The following PLEKHJ1 variants were observed in gnomAD, a reference collection of about 807,000 sequenced individuals.
The protein encoded by PLEKHJ1 is pleckstrin homology domain containing J1, also known as pleckstrin homology domain-containing family J member 1.
In PLEKHJ1, 20 loss-of-function variants were observed where a neutral mutation model predicts 21.7. The ratio of observed to expected loss-of-function variants is 0.92; its 90% CI spans 0.65 to 1.34. PLEKHJ1 has a LOEUF of 1.34. PLEKHJ1 is among the 40% of genes most tolerant of loss of function. The pLI, the probability that PLEKHJ1 is intolerant of heterozygous loss-of-function variation, is 0.00. For synonymous variants in PLEKHJ1, 113 were observed against 80.6 expected, an observed-to-expected ratio of 1.40 and a Z score of -2.15; for missense variants, 241 against 202.0, an observed-to-expected ratio of 1.19 and a Z score of -1.17.
At position 2,235,981 on chromosome 19, in the gene PLEKHJ1, C is replaced by T. The variant is rs752207759; in HGVS notation, c.104G>A (p.Arg35Gln). ...ATTCACCACCAGCTTCACCAGCCGC[C>T]GCTTCAGCACTGCGGGCACAGCGCG... Reference protein sequence around the residue: ...RGPKKGSVLKRRLVKLVVNFL... With the variant: ...RGPKKGSVLKQRLVKLVVNFL... Residue 35 changes from arginine (R) to glutamine (Q), a missense_variant, in exon 2 of 6, where the codon CGG becomes CAG. Transcript: ENST00000326631. 5.6e-6 allele frequency: 9 copies of T among 1,610,018 alleles called. No homozygotes were observed. The highest frequency in any genetic ancestry group is 6.8e-6 in the Non-Finnish European group (8 of 1,178,870).
downstream of PLEKHJ1, chr19:2,232,414 T>C (rs922629054): frequency 2.0e-5 from 4 of 197,636 alleles, no homozygotes; most frequent in Non-Finnish European, 4.1e-5. Context: ...TGTGTCAGCC[T>C]TTGTAACGTG....
At chr19:2,235,895 C>T (rs757719635) in intron 2 of PLEKHJ1, 28 bp downstream of exon 2, 1 of 1,603,198 alleles carries the variant, frequency 6.2e-7, no homozygotes, top group South Asian at 1.1e-5. Flanking sequence ...CAGCCTGGGA[C>T]CCGCCCGCGC....
chr19:2,234,035 A>ATTTCT lies in PLEKHJ1; in HGVS notation c.346_347insAGAAA (p.Ile116LysfsTer12). The ATTTCT allele has an allele frequency of 4.3e-6, 7 of 1,613,508 alleles. No homozygotes were observed. Among genetic ancestry groups the ATTTCT allele is most frequent in the Non-Finnish European group, 5.9e-6 (7 of 1,179,994 alleles). On this transcript the variant is annotated frameshift_variant, in exon 5 of 6. Coordinates refer to ENST00000326631, the MANE Select transcript of PLEKHJ1 (RefSeq NM_018049.3). LOFTEE classifies it high-confidence loss of function. Reference sequence around the variant, plus strand: ...CTTCCGGATTTCGTTCCTGTAGAAGATGAGGCTTCTCCGCATGAACTCGTA... The same window carrying ATTTCT: ...CTTCCGGATTTCGTTCCTGTAGAAGATTTCTTGAGGCTTCTCCGCATGAACTCGTA...
At chr19:2,235,734 C>G in intron 3 of PLEKHJ1, 28 bp downstream of exon 3, 2 of 1,539,626 alleles carry the variant, frequency 1.3e-6, no homozygotes, top group East Asian at 4.9e-5. Context: ...CTGCGGGAAG[C>G]GCCGCTGGCT....
intron 3 of PLEKHJ1, 138 bp downstream of exon 3, chr19:2,235,624 A>C: frequency 2.8e-6 from 2 of 710,442 alleles, no homozygotes; most frequent in Non-Finnish European, 4.6e-6. Flanking sequence ...CCCGTGGACA[A>C]TGCACTCTTG....
At position 2,233,827 on chromosome 19, in the gene PLEKHJ1, C is replaced by A. The variant is rs369007633; in HGVS notation, c.*13G>T. The A allele has an allele frequency of 9.4e-6, 15 of 1,595,730 alleles. No individual in the cohort carries two copies. The African/African-American group carries it at 2.0e-4, about 21-fold the overall frequency. ...GTCCCGTCCCGCTGCACGCTGACCA[C>A]CGTGCCCTGCGCTCACGCCTGCAAG... On this transcript the variant is annotated 3_prime_UTR_variant, in exon 6 of 6. Coordinates refer to ENST00000326631, the MANE Select transcript of PLEKHJ1 (RefSeq NM_018049.3).
rs2286332 is a variant in PLEKHJ1, at chr19:2,235,703, C to T, written c.229+59G>A. 6 of 1,472,128 alleles carry T rather than the reference C, an allele frequency of 4.1e-6. No individual in the cohort carries two copies. In the Admixed American group the frequency reaches 8.4e-5, roughly 21 times the overall value. 91.2% of individuals were successfully genotyped at this position (1,472,128 alleles called of 1,614,324 possible). ...TTGGGCGCCCGGGGAGGGGAAAGTG[C>T]GGCGCTGCGGGTGCCCCGGGCTGCG... On this transcript the variant is annotated intron_variant, in intron 3 of 5. Transcript: ENST00000326631.
intron 5 of PLEKHJ1, 41 bp from the exon 6 acceptor site, chr19:2,233,946 C>A (rs2024698850): frequency 1.2e-6 from 2 of 1,611,708 alleles, no homozygotes. Flanking sequence ...GGCTGGAGGA[C>A]TGCCTCTGCC....
chr19:2,235,578 G>A lies in PLEKHJ1; in HGVS notation c.229+184C>T, dbSNP rs184449758. The stretch of plus-strand genomic sequence containing the variant: ...CTTAAGTGGACTCGGCAGGTGGGAA[G>A]GGTGGTGCCCGCCAGGAGAACTTGA... On this transcript the variant is annotated intron_variant, in intron 3 of 5. Transcript: ENST00000326631. The A allele has an allele frequency of 4.4e-4, 264 of 598,926 alleles. 1 individual carries two copies. In the African/African-American group the frequency reaches 4.5e-3, roughly 10 times the overall value. The allele number at this position is 598,926 out of a possible 1,614,324, so 37.1% of individuals were successfully genotyped here.
chr19:2,231,701 G>A (rs189242093), downstream of PLEKHJ1: 5 of 213,784 alleles, frequency 2.3e-5, no homozygotes, highest in East Asian at 6.9e-5. Flanking sequence ...GCCACGGGCC[G>A]GATACGCCAC....
Position 2,233,925 on chromosome 19 carries a change from C to T in PLEKHJ1, c.385-20G>A. 1.9e-6 allele frequency: 3 copies of T among 1,612,620 alleles called. No homozygotes were observed. The highest frequency in any genetic ancestry group is 2.5e-6 in the Non-Finnish European group (3 of 1,179,754). Reference sequence around the variant, plus strand: ...GGGGTCCTGTGGGGAGGACGGGTGGCCATGAGCCAGGGCTGGAGGACTGCC... The same window carrying T: ...GGGGTCCTGTGGGGAGGACGGGTGGTCATGAGCCAGGGCTGGAGGACTGCC... On this transcript the variant is annotated intron_variant, in intron 5 of 5. Transcript: ENST00000326631.
downstream of PLEKHJ1, chr19:2,231,233 G>A: frequency 4.4e-6 from 1 of 228,036 alleles, no homozygotes; most frequent in Non-Finnish European, 8.7e-6. Flanking sequence ...CACTTGCTGA[G>A]CCCACCTTCT....
chr19:2,230,555 A>G (rs991169049), downstream of PLEKHJ1: 8 of 398,550 alleles, frequency 2.0e-5, no homozygotes, highest in African/African-American at 6.2e-5. Flanking sequence ...TCGGCTGTCC[A>G]TGGCTCGCAG....
At position 2,234,230 on chromosome 19, in the gene PLEKHJ1, C is replaced by G. The variant is rs201482363; in HGVS notation, c.240G>C (p.Glu80Asp). The change falls in exon 4 of 6, where the codon GAG (glutamate) becomes GAC (aspartate). Residue 80 changes from glutamate to aspartate, a missense_variant. Transcript: ENST00000326631. ...EPGTFSISFI[E>D]DPERKYHFEC... The stretch of plus-strand genomic sequence containing the variant: ...CAAAGTGATACTTCCTCTCAGGGTC[C>G]TCAATGAAGCCTGGGGATGGAACAC... 37 of 1,612,588 alleles carry G rather than the reference C, an allele frequency of 2.3e-5. 1 individual carries two copies. The East Asian group carries it at 5.1e-4, about 22-fold the overall frequency.
downstream of PLEKHJ1, chr19:2,230,855 C>T (rs1038601760): frequency 8.6e-6 from 3 of 348,920 alleles, no homozygotes; most frequent in Non-Finnish European, 1.5e-5. Context: ...CTGCCGGCGC[C>T]CCTGCCTGCC....
downstream of PLEKHJ1, chr19:2,230,527 C>A (rs2024555654): frequency 5.0e-6 from 2 of 398,754 alleles, no homozygotes; most frequent in Non-Finnish European, 8.8e-6. Context: ...TGAACAAGTG[C>A]ATTTACTTTT....
At position 2,233,724 on chromosome 19, in the gene PLEKHJ1, A is replaced by C; in HGVS notation, c.*116T>G. 1.1e-6 allele frequency: 1 copy of C among 941,672 alleles called. No homozygotes were observed. The highest frequency in any genetic ancestry group is 1.6e-5 in the South Asian group (1 of 63,990). 58.3% of individuals were successfully genotyped at this position (941,672 alleles called of 1,614,324 possible). On this transcript the variant is annotated 3_prime_UTR_variant, in exon 6 of 6. Transcript: ENST00000326631. ...GCACTCTAGCCTGGGCAACACAGTGAAACCCTGACCCAAAAACCAAAAACC... is the reference window on the plus strand; with the variant it reads ...GCACTCTAGCCTGGGCAACACAGTGCAACCCTGACCCAAAAACCAAAAACC...
At position 2,235,947 on chromosome 19, in the gene PLEKHJ1, G is replaced by A. The variant is rs775617137; in HGVS notation, c.138C>T (p.Phe46=). 1.9e-6 allele frequency: 3 copies of A among 1,610,394 alleles called. No homozygotes were observed. The highest frequency in any genetic ancestry group is 2.5e-6 in the Non-Finnish European group (3 of 1,179,104). ...RLVKLVVNFL[F]YFRTDEAEPV... ...CCTCGGCCTCGTCTGTCCGAAAGTA[G>A]AAGAGGAAATTCACCACCAGCTTCA... is the stretch of plus-strand genomic sequence containing the variant. Residue 46 remains phenylalanine (F), a synonymous_variant, in exon 2 of 6, where the codon TTC becomes TTT. Transcript: ENST00000326631.
chr19:2,232,255 C>T (rs965214958), downstream of PLEKHJ1: 5 of 217,906 alleles, frequency 2.3e-5, no homozygotes, highest in South Asian at 3.7e-4. Flanking sequence ...CCATGAGGCA[C>T]GCACAGTGAC....
Sources: allele counts gnomAD v4.1 joint callset, GRCh38; gene constraint gnomAD v4.1.1; transcripts MANE v1.5; gene names NCBI Gene and HGNC (gene_info 2026-07-23, HGNC 2026-07-21).